The following SENP7 variants were observed in gnomAD, a reference collection of about 807,000 sequenced individuals.
The protein encoded by SENP7 is SUMO specific peptidase 7.
SENP7 carries 64 observed loss-of-function variants against 141.2 expected under a neutral mutation model. The ratio of observed to expected loss-of-function variants is 0.45; its 90% confidence interval spans 0.37 to 0.56. The LOEUF (loss-of-function observed/expected upper bound fraction) is 0.56, where lower values mean the gene tolerates loss of function less well. SENP7 is among the 20% of genes least tolerant of loss of function. The pLI is 0.00. For missense variants in SENP7, 1,025 were observed against 1,212.2 expected (o/e 0.85, Z 2.29); for synonymous variants, 382 against 426.4 (o/e 0.90, Z 1.28).
At position 101,501,244 on chromosome 3, in the gene SENP7, C is replaced by T. The variant is rs148391368; in HGVS notation, c.41-125G>A. The T allele has an allele frequency of 6.2e-4, 391 of 631,236 alleles. 2 individuals are homozygous for T. In the East Asian group the frequency reaches 0.011, roughly 18 times the overall value. 39.1% of individuals were successfully genotyped at this position (631,236 alleles called of 1,614,324 possible). On this transcript the variant is annotated intron_variant, in intron 1 of 23. Coordinates refer to ENST00000394095, the MANE Select transcript of SENP7 (RefSeq NM_020654.5). Reference sequence around the variant, plus strand: ...ATTAACTTGTTAGATTTAGAATTTACACATTTTACAGAAACTGAAGGGCTA... The same window carrying T: ...ATTAACTTGTTAGATTTAGAATTTATACATTTTACAGAAACTGAAGGGCTA...
In SENP7 at chr3:101,493,856, T is replaced by C; in HGVS notation, c.186+17A>G. 7.0e-7 allele frequency: 1 copy of C among 1,426,960 alleles called. No homozygotes were observed. Among genetic ancestry groups the C allele is most frequent in the Non-Finnish European group, 9.7e-7 (1 of 1,025,876 alleles). The allele number at this position is 1,426,960 out of a possible 1,614,324, so 88.4% of individuals were successfully genotyped here. On this transcript the variant is annotated intron_variant, in intron 3 of 23. Transcript: ENST00000394095. Reference sequence around the variant, plus strand: ...AATAAAACTGTATACTTAAAATAAATTAATTTTATTTACCACCTGCAAAGG... The same window carrying C: ...AATAAAACTGTATACTTAAAATAAACTAATTTTATTTACCACCTGCAAAGG...
intron 5 of SENP7, among the ~76,000 whole-genome samples, chr3:101,417,265 A>T (rs2061651873): frequency 6.6e-6 from 1 of 152,176 alleles, no homozygotes; most frequent in East Asian, 1.9e-4. Flanking sequence ...TATAATACAT[A>T]TACACACACG....
intron 1 of SENP7, 32 bp downstream of exon 1, chr3:101,513,059 A>G (rs2065931870): frequency 1.9e-6 from 3 of 1,611,306 alleles, no homozygotes; most frequent in African/African-American, 1.3e-5. Context: ...GTAGGAGACA[A>G]TATGTTCAGC....
At chr3:101,367,702 G>A (rs1162022163) in intron 8 of SENP7, 128 bp downstream of exon 8, 3 of 606,378 alleles carry the variant, frequency 4.9e-6, no homozygotes, top group Non-Finnish European at 8.3e-6. Flanking sequence ...AAAGCTAACA[G>A]TGAACCAAAA....
At chr3:101,477,559 A>G (rs576244632) in intron 3 of SENP7, among the ~76,000 whole-genome samples, 1 of 152,268 alleles carries the variant, frequency 6.6e-6, no homozygotes, top group East Asian at 1.9e-4. Context: ...CCAAAACAAA[A>G]TTAGTAAATG....
chr3:101,325,690 A>C lies in SENP7; in HGVS notation c.*253T>G. 4.8e-6 allele frequency: 1 copy of C among 207,590 alleles called. No homozygotes were observed. Among genetic ancestry groups the C allele is most frequent in the East Asian group, 1.0e-4 (1 of 9,790 alleles). The allele number at this position is 207,590 out of a possible 1,614,324, so 12.9% of individuals were successfully genotyped here. On this transcript the variant is annotated 3_prime_UTR_variant, in exon 24 of 24. Transcript: ENST00000394095. ...TTGCATAATCCAATCATATTTACTC[A>C]GAAAAATATGAAATATTTATAAAAT... is the stretch of plus-strand genomic sequence containing the variant.
At chr3:101,505,777 T>C (rs1309792164) in intron 1 of SENP7, among the ~76,000 whole-genome samples, 2 of 152,214 alleles carry the variant, frequency 1.3e-5, no homozygotes, top group African/African-American at 4.8e-5. Context: ...ATATCTGCCT[T>C]TTTAATCGTT....
At chr3:101,390,124 A>T (rs1485269639) in intron 6 of SENP7, among the ~76,000 whole-genome samples, 1 of 151,144 alleles carries the variant, frequency 6.6e-6, no homozygotes, top group Non-Finnish European at 1.5e-5. Context: ...GGAGTCTGAG[A>T]CAGAAGAACT....
intron 1 of SENP7, among the ~76,000 whole-genome samples, chr3:101,508,440 C>CA (rs1187660941): frequency 6.6e-5 from 10 of 150,828 alleles, no homozygotes; most frequent in African/African-American, 9.7e-5. Flanking sequence ...ACTAAAAATA[C>CA]AAAAAAAAAT....
chr3:101,416,132 C>A (rs4683902), intron 5 of SENP7, among the ~76,000 whole-genome samples: 2,248 of 152,252 alleles, frequency 0.015, 22 homozygotes, highest in Admixed American at 0.036. Flanking sequence ...GAGTTTAGGA[C>A]ACCTGGAGCT....
chr3:101,462,234 G>C (rs1014013840), intron 3 of SENP7, among the ~76,000 whole-genome samples: 46 of 152,110 alleles, frequency 3.0e-4, no homozygotes, highest in African/African-American at 1.1e-3. Flanking sequence ...TAAATCTCCA[G>C]TAAGAAATAC....
At chr3:101,484,133 T>C (rs190968419) in intron 3 of SENP7, among the ~76,000 whole-genome samples, 9 of 152,274 alleles carry the variant, frequency 5.9e-5, no homozygotes, top group Non-Finnish European at 1.0e-4. Context: ...TTTGAGTCTA[T>C]CAATGGCTTT....
chr3:101,366,012 T>C (rs2060029155), intron 9 of SENP7, among the ~76,000 whole-genome samples: 1 of 152,224 alleles, frequency 6.6e-6, no homozygotes, highest in Admixed American at 6.5e-5. Flanking sequence ...GGAGATCCTT[T>C]AAAACCTTTG....
intron 1 of SENP7, among the ~76,000 whole-genome samples, chr3:101,510,189 T>C (rs561454768): frequency 6.6e-6 from 1 of 152,372 alleles, no homozygotes; most frequent in South Asian, 2.1e-4. Flanking sequence ...AGACACTTTA[T>C]CATTCAACTT....
intron 4 of SENP7, among the ~76,000 whole-genome samples, chr3:101,450,964 A>G (rs1448769971): frequency 6.6e-6 from 1 of 152,154 alleles, no homozygotes; most frequent in Non-Finnish European, 1.5e-5. Flanking sequence ...TTGATAGACC[A>G]CTAGCAAGAC....
intron 3 of SENP7, among the ~76,000 whole-genome samples, chr3:101,460,118 G>T (rs1245014533): frequency 6.6e-6 from 1 of 152,172 alleles, no homozygotes; most frequent in Admixed American, 6.5e-5. Flanking sequence ...TTGGTTAGCA[G>T]TTGGGCATTA....
intron 3 of SENP7, among the ~76,000 whole-genome samples, chr3:101,486,784 G>C (rs1396285341): frequency 2.0e-5 from 3 of 152,116 alleles, no homozygotes; most frequent in Non-Finnish European, 4.4e-5. Context: ...TACTAACATT[G>C]AATGTAAATG....
chr3:101,394,930 C>T (rs2060925738), intron 6 of SENP7, among the ~76,000 whole-genome samples: 1 of 152,108 alleles, frequency 6.6e-6, no homozygotes, highest in African/African-American at 2.4e-5. Flanking sequence ...ACCTGTTTGT[C>T]ATTTGTATGT....
chr3:101,434,399 C>A (rs2062305065), intron 4 of SENP7, among the ~76,000 whole-genome samples: 1 of 150,814 alleles, frequency 6.6e-6, no homozygotes, highest in Non-Finnish European at 1.5e-5. Flanking sequence ...GCAAACCAAA[C>A]CCAAAATTAG....
Sources: gnomAD v4.1 joint callset for allele counts (sites outside exome capture counted in the v4.1 genomes callset) on GRCh38, gnomAD v4.1.1 for gene constraint, MANE v1.5 for transcripts, NCBI Gene and HGNC (gene_info 2026-07-23, HGNC 2026-07-21) for gene names.